The following TTC28 variants were observed in gnomAD, a reference collection of about 807,000 sequenced individuals.
TTC28 encodes the protein tetratricopeptide repeat domain 28.
TTC28 carries 61 observed loss-of-function variants against 198.0 expected under a neutral mutation model. The ratio of observed to expected loss-of-function variants is 0.31; its 90% CI spans 0.25 to 0.38. The LOEUF (loss-of-function observed/expected upper bound fraction) is 0.38, where lower values mean the gene tolerates loss of function less well. TTC28 is among the 10% of genes least tolerant of loss of function. The pLI, the probability that TTC28 is intolerant of heterozygous loss-of-function variation, is 1.00. For synonymous variants in TTC28, 1,171 were observed against 1,297.8 expected (o/e 0.90, Z 2.10); for missense variants, 2,678 against 3,164.0 (o/e 0.85, Z 3.69).
intron 2 of TTC28, among the ~76,000 whole-genome samples, chr22:28,527,033 C>A (rs778780164): frequency 1.3e-5 from 2 of 152,182 alleles, no homozygotes. Flanking sequence ...GCTGAGATTA[C>A]AGGCATGAGC....
At chr22:28,549,498 G>A (rs969360860) in intron 2 of TTC28, among the ~76,000 whole-genome samples, 1 of 152,066 alleles carries the variant, frequency 6.6e-6, no homozygotes, top group African/African-American at 2.4e-5. Flanking sequence ...CTGCTGCCAG[G>A]CCCTGTGTTA....
At chr22:28,038,604 C>T (rs1939466057) in intron 12 of TTC28, among the ~76,000 whole-genome samples, 1 of 152,202 alleles carries the variant, frequency 6.6e-6, no homozygotes, top group Admixed American at 6.5e-5. Context: ...AGGACATAGG[C>T]ATGGCCAAGG....
intron 2 of TTC28, among the ~76,000 whole-genome samples, chr22:28,448,630 C>T (rs960547005): frequency 3.3e-5 from 5 of 152,172 alleles, no homozygotes; most frequent in Admixed American, 2.6e-4. Context: ...AATGTTGCCT[C>T]ATTAGTGACA....
intron 2 of TTC28, among the ~76,000 whole-genome samples, chr22:28,572,599 A>G (rs2050081025): frequency 6.6e-6 from 1 of 152,186 alleles, no homozygotes; most frequent in African/African-American, 2.4e-5. Context: ...GAAGCAGGTA[A>G]TATTAATACA....
chr22:28,164,317 C>T (rs1176568302), intron 5 of TTC28, among the ~76,000 whole-genome samples: 1 of 152,320 alleles, frequency 6.6e-6, no homozygotes. Flanking sequence ...AGCACGCAAC[C>T]TGAGATCTGA....
intron 6 of TTC28, among the ~76,000 whole-genome samples, chr22:28,149,827 G>A (rs1943565597): frequency 6.6e-6 from 1 of 152,188 alleles, no homozygotes; most frequent in African/African-American, 2.4e-5. Flanking sequence ...TTAGTGATCT[G>A]TTGCACAGCA....
chr22:28,483,315 G>A (rs2048277770), intron 2 of TTC28, among the ~76,000 whole-genome samples: 1 of 152,270 alleles, frequency 6.6e-6, no homozygotes, highest in East Asian at 1.9e-4. Context: ...GAAAAGAAAA[G>A]CAGAGTAGGG....
At chr22:28,223,103 T>C (rs1193860246) in intron 5 of TTC28, among the ~76,000 whole-genome samples, 1 of 152,184 alleles carries the variant, frequency 6.6e-6, no homozygotes, top group African/African-American at 2.4e-5. Flanking sequence ...GCTCTCAGCA[T>C]GACACTGAAC....
intron 5 of TTC28, among the ~76,000 whole-genome samples, chr22:28,283,329 C>G (rs1442732367): frequency 7.0e-6 from 1 of 143,576 alleles, no homozygotes; most frequent in African/African-American, 2.5e-5. Context: ...CTCTCTTACA[C>G]ACACACACAC....
chr22:28,647,300 A>C (rs1197020932), intron 1 of TTC28, among the ~76,000 whole-genome samples: 1 of 152,186 alleles, frequency 6.6e-6, no homozygotes, highest in Non-Finnish European at 1.5e-5. Context: ...AAATCTAGGA[A>C]AAACTCTTCT....
intron 5 of TTC28, among the ~76,000 whole-genome samples, chr22:28,181,172 G>T (rs1009253597): frequency 6.6e-6 from 1 of 152,168 alleles, no homozygotes; most frequent in Non-Finnish European, 1.5e-5. Flanking sequence ...TTATATTAGG[G>T]TTGGAAGAAC....
At chr22:28,600,628 T>A (rs1330355562) in intron 2 of TTC28, among the ~76,000 whole-genome samples, 5 of 152,074 alleles carry the variant, frequency 3.3e-5, no homozygotes, top group African/African-American at 9.7e-5. Flanking sequence ...TACTGAAAAA[T>A]TTATAATATC....
At chr22:28,167,467 T>TAC (rs1569174982) in intron 5 of TTC28, among the ~76,000 whole-genome samples, 2 of 152,228 alleles carry the variant, frequency 1.3e-5, no homozygotes, top group Admixed American at 1.3e-4. Context: ...AAAAAGCTTA[T>TAC]ACACCACGAT....
chr22:28,096,734 C>T (rs926490266), intron 10 of TTC28, among the ~76,000 whole-genome samples: 3 of 151,922 alleles, frequency 2.0e-5, no homozygotes, highest in African/African-American at 7.3e-5. Context: ...GCTCCCTAAC[C>T]TGGCTTTTTT....
intron 2 of TTC28, among the ~76,000 whole-genome samples, chr22:28,316,169 C>G (rs1207858408): frequency 2.0e-5 from 3 of 152,118 alleles, no homozygotes; most frequent in Non-Finnish European, 2.9e-5. Context: ...ACCTGTGCAG[C>G]CTTTCTTATC....
chr22:28,640,880 G>A (rs890922279), intron 1 of TTC28, among the ~76,000 whole-genome samples: 18 of 152,054 alleles, frequency 1.2e-4, no homozygotes, highest in African/African-American at 4.1e-4. Flanking sequence ...CTACCCAAAT[G>A]AACTGAAAAC....
chr22:28,319,183 C>A (rs561330361), intron 2 of TTC28, among the ~76,000 whole-genome samples: 1 of 151,966 alleles, frequency 6.6e-6, no homozygotes, highest in African/African-American at 2.4e-5. Flanking sequence ...GTTTTTTGGG[C>A]GTATATTTTT....
intron 2 of TTC28, among the ~76,000 whole-genome samples, chr22:28,311,861 T>C (rs1374585841): frequency 6.6e-6 from 1 of 151,854 alleles, no homozygotes; most frequent in East Asian, 1.9e-4. Flanking sequence ...TTCTACTCTA[T>C]CTCCATAAGT....
chr22:28,509,914 T>C (rs1302213833), intron 2 of TTC28, among the ~76,000 whole-genome samples: 1 of 152,032 alleles, frequency 6.6e-6, no homozygotes, highest in African/African-American at 2.4e-5. Flanking sequence ...GCACATAAAC[T>C]AGAAAATCTA....
Sources: gnomAD v4.1 joint callset for allele counts (sites outside exome capture counted in the v4.1 genomes callset) on GRCh38, gnomAD v4.1.1 for gene constraint, MANE v1.5 for transcripts, NCBI Gene and HGNC (gene_info 2026-07-23, HGNC 2026-07-21) for gene names.